PALM2AKAP2: variants seen among roughly 807,000 people sequenced by gnomAD.
PALM2AKAP2 encodes PALM2 and AKAP2 fusion.
PALM2AKAP2 carries 37 observed loss-of-function variants against 71.5 expected under a neutral mutation model. The observed-to-expected ratio is 0.52, with a 90% CI of 0.40 to 0.68. The LOEUF (loss-of-function observed/expected upper bound fraction) is 0.68. PALM2AKAP2 is among the 30% of genes least tolerant of loss of function. The probability of loss-of-function intolerance (pLI) is 0.00; values close to 1 mark genes in which losing one functional copy is unlikely to be tolerated. For synonymous variants in PALM2AKAP2, 468 were observed against 478.8 expected (o/e 0.98, Z 0.29); for missense variants, 1,224 against 1,191.8 (o/e 1.03, Z -0.40).
intron 1 of PALM2AKAP2, among the ~76,000 whole-genome samples, chr9:109,644,340 C>T (rs1044503564): frequency 6.6e-6 from 1 of 152,168 alleles, no homozygotes; most frequent in African/African-American, 2.4e-5. Context: ...GAAAAGCCCA[C>T]TTTGAATATG....
At chr9:109,850,885 T>A (rs1828989593) in intron 1 of PALM2AKAP2, among the ~76,000 whole-genome samples, 1 of 152,134 alleles carries the variant, frequency 6.6e-6, no homozygotes. Flanking sequence ...ACATTAAAAC[T>A]ACCTGGTAGT....
At chr9:110,050,565 T>C (rs1176751520) in intron 1 of PALM2AKAP2, among the ~76,000 whole-genome samples, 10 of 152,240 alleles carry the variant, frequency 6.6e-5, no homozygotes, top group Admixed American at 6.5e-4. Flanking sequence ...AATGCTCCGC[T>C]GCCGGTTGTC....
rs181788958 is a variant in PALM2AKAP2, at chr9:109,826,904, A to T, written c.46-40587A>T. 3.3e-5 allele frequency among the ~76,000 whole-genome samples: 5 copies of T among 152,350 alleles called. No individual in the cohort carries two copies. The East Asian group carries it at 9.6e-4, about 29-fold the overall frequency. ...TTTCTAGTGCAGCAATTTTCAGAAT[A>T]CTGCCTTCTCAAAGATATGGTTCTC... On this transcript the variant is annotated intron_variant, in intron 1 of 9. Coordinates refer to the PALM2AKAP2 transcript ENST00000302798.
At chr9:109,684,558 T>G (rs1827781507) in intron 1 of PALM2AKAP2, among the ~76,000 whole-genome samples, 1 of 152,136 alleles carries the variant, frequency 6.6e-6, no homozygotes. Context: ...TCAAGAAAAT[T>G]TCTAATCCAT....
chr9:109,972,491 G>C (rs1832086995), intron 6 of PALM2AKAP2, among the ~76,000 whole-genome samples: 1 of 152,228 alleles, frequency 6.6e-6, no homozygotes, highest in Admixed American at 6.5e-5. Context: ...CATGAGGTTA[G>C]TGCTCTGAGG....
chr9:110,114,633 G>A (rs1022592481), intron 1 of PALM2AKAP2, among the ~76,000 whole-genome samples: 6 of 152,124 alleles, frequency 3.9e-5, no homozygotes, highest in African/African-American at 9.7e-5. Context: ...ACTTCCCACC[G>A]TATCACTTTA....
At chr9:109,956,414 G>A (rs1377197605) in intron 6 of PALM2AKAP2, among the ~76,000 whole-genome samples, 2 of 152,126 alleles carry the variant, frequency 1.3e-5, no homozygotes, top group Non-Finnish European at 2.9e-5. Flanking sequence ...TTCAGGCCAG[G>A]GTTCTTAGGT....
intron 6 of PALM2AKAP2, among the ~76,000 whole-genome samples, chr9:110,007,733 C>T (rs1016111272): frequency 3.3e-5 from 5 of 152,136 alleles, no homozygotes; most frequent in African/African-American, 9.7e-5. Context: ...AATCAACTCA[C>T]GAAAGGCTAA....
chr9:110,067,920 T>TGCGCCACCA lies in PALM2AKAP2; in HGVS notation c.156+19065_156+19066insGCGCCACCA. 2.1e-5 allele frequency among the ~76,000 whole-genome samples: 3 copies of TGCGCCACCA among 142,098 alleles called. 1 individual carries two copies. Among genetic ancestry groups the TGCGCCACCA allele is most frequent in the African/African-American group, 9.2e-5 (3 of 32,514 alleles). 93.2% of individuals were successfully genotyped at this position (142,098 alleles called of 152,430 possible). On this transcript the variant is annotated intron_variant, in intron 1 of 3. Transcript: ENST00000374525. ...CAAACATGAAACTTGGAGGTTAATTTTGTCTGTTTAAATTTTGATGCTTTC... is the reference window on the plus strand; with the variant it reads ...CAAACATGAAACTTGGAGGTTAATTTGCGCCACCATGTCTGTTTAAATTTTGATGCTTTC...
chr9:109,826,266 A>G (rs1375361570), intron 1 of PALM2AKAP2, among the ~76,000 whole-genome samples: 6 of 152,146 alleles, frequency 3.9e-5, no homozygotes, highest in Admixed American at 2.6e-4. Context: ...CCTAATGTAA[A>G]TGATGAGTTA....
intron 1 of PALM2AKAP2, among the ~76,000 whole-genome samples, chr9:109,706,257 GTAA>G (rs1564119861): frequency 6.6e-6 from 1 of 152,062 alleles, no homozygotes; most frequent in Non-Finnish European, 1.5e-5. Flanking sequence ...TGATTCCTCA[GTAA>G]TACTCATAAT....
At chr9:110,143,609 C>A (rs1193949640) in intron 2 of PALM2AKAP2, among the ~76,000 whole-genome samples, 1 of 152,108 alleles carries the variant, frequency 6.6e-6, no homozygotes, top group African/African-American at 2.4e-5. Flanking sequence ...TTGGGGTTGC[C>A]AACAGTTCTC....
chr9:109,837,474 C>T (rs1356036643), intron 1 of PALM2AKAP2, among the ~76,000 whole-genome samples: 4 of 152,240 alleles, frequency 2.6e-5, no homozygotes, highest in African/African-American at 9.6e-5. Flanking sequence ...CATCAACTAA[C>T]GAGCAAAATA....
At chr9:110,023,119 G>A (rs1833104082) in intron 7 of PALM2AKAP2, among the ~76,000 whole-genome samples, 1 of 150,938 alleles carries the variant, frequency 6.6e-6, no homozygotes, top group Admixed American at 6.6e-5. Flanking sequence ...GGGTCAAATG[G>A]TATTTCTAGT....
At chr9:109,883,686 C>T (rs561079977) in intron 3 of PALM2AKAP2, among the ~76,000 whole-genome samples, 1 of 152,292 alleles carries the variant, frequency 6.6e-6, no homozygotes, top group African/African-American at 2.4e-5. Context: ...TTGAACATAG[C>T]TTAGTTCTCA....
intron 7 of PALM2AKAP2, among the ~76,000 whole-genome samples, chr9:110,018,356 T>C (rs113930795): frequency 0.058 from 8,792 of 151,996 alleles, 348 homozygotes; most frequent in Non-Finnish European, 0.089. Flanking sequence ...TGAGGCAGAG[T>C]CTTGCTCTGT....
intron 6 of PALM2AKAP2, among the ~76,000 whole-genome samples, chr9:109,978,120 A>G (rs1434340876): frequency 6.6e-6 from 1 of 152,058 alleles, no homozygotes; most frequent in East Asian, 1.9e-4. Flanking sequence ...TGAGTGGGTG[A>G]GTGGAAGGAG....
intron 2 of PALM2AKAP2, among the ~76,000 whole-genome samples, chr9:109,878,350 G>T (rs958183693): frequency 1.3e-5 from 2 of 152,166 alleles, no homozygotes; most frequent in Non-Finnish European, 2.9e-5. Context: ...AGGTGTGGGG[G>T]TGGATCCTGT....
intron 1 of PALM2AKAP2, among the ~76,000 whole-genome samples, chr9:109,819,007 T>C (rs968132699): frequency 6.6e-6 from 1 of 152,146 alleles, no homozygotes; most frequent in Admixed American, 6.5e-5. Flanking sequence ...CATCTTTCCA[T>C]TGGAAAAAAA....
Sources: allele counts gnomAD v4.1 joint callset (sites outside exome capture counted in the v4.1 genomes callset), GRCh38; gene constraint gnomAD v4.1.1; transcripts MANE v1.5; gene names NCBI Gene and HGNC (gene_info 2026-07-23, HGNC 2026-07-21).